BIN1: variants seen among roughly 807,000 people sequenced by gnomAD.
The protein encoded by BIN1 is myc box-dependent-interacting protein 1.
Under a neutral mutation model 82.0 loss-of-function variants are expected in BIN1, and 53 were observed. The observed-to-expected ratio is 0.65, with a 90% CI of 0.52 to 0.81. BIN1 has a LOEUF of 0.81. BIN1 is among the 40% of genes least tolerant of loss of function. BIN1 has a pLI of 0.00. For synonymous variants in BIN1, 302 were observed against 328.0 expected, an observed-to-expected ratio of 0.92 and a Z score of 0.86; for missense variants, 642 against 784.4, an observed-to-expected ratio of 0.82 and a Z score of 2.17.
At chr2:127,076,798 G>A (rs545431356) in intron 1 of BIN1, 92 bp from the exon 2 acceptor site, 35 of 1,435,042 alleles carry the variant, frequency 2.4e-5, no homozygotes, top group South Asian at 2.3e-4. Flanking sequence ...ACAGACCAGG[G>A]GCTGGGAAGT....
At chr2:127,063,230 A>C (rs1558819532) in intron 9 of BIN1, among the ~76,000 whole-genome samples, 1 of 152,210 alleles carries the variant, frequency 6.6e-6, no homozygotes. Context: ...TTTTCCTACA[A>C]ATTGAGAAAC....
chr2:127,105,440 C>A (rs1680927263), intron 1 of BIN1, among the ~76,000 whole-genome samples: 2 of 147,886 alleles, frequency 1.4e-5, no homozygotes, highest in South Asian at 2.3e-4. Flanking sequence ...TTCCCAGCCC[C>A]CAGCCAGCTA....
intron 1 of BIN1, among the ~76,000 whole-genome samples, chr2:127,077,695 CAA>C (rs1226447643): frequency 6.6e-6 from 1 of 151,880 alleles, no homozygotes; most frequent in East Asian, 1.9e-4. Context: ...AAGAAAAAGA[CAA>C]AGAGCTGGGG....
intron 10 of BIN1, 37 bp downstream of exon 10, chr2:127,062,078 A>T: frequency 6.4e-7 from 1 of 1,569,130 alleles, no homozygotes. Flanking sequence ...CCTGCCGTGC[A>T]CACAGTCAGG....
At chr2:127,102,999 AC>A (rs1159544006) in intron 1 of BIN1, among the ~76,000 whole-genome samples, 1 of 152,176 alleles carries the variant, frequency 6.6e-6, no homozygotes, top group Non-Finnish European at 1.5e-5. Flanking sequence ...CCCAAGATGG[AC>A]AGAGATGGGA....
At position 127,093,422 on chromosome 2, in the gene BIN1, C is replaced by T. The variant is rs550869688; in HGVS notation, c.84+13438G>A. Reference sequence around the variant, plus strand: ...CCAGCCATGAAACCCAGATAGTTCACTCTCTCCCACTCCCTTCACCCCTGA... The same window carrying T: ...CCAGCCATGAAACCCAGATAGTTCATTCTCTCCCACTCCCTTCACCCCTGA... On this transcript the variant is annotated intron_variant, in intron 1 of 18. Transcript: ENST00000316724. The surrounding 1 kb of genome is among the most constrained non-coding windows in gnomAD (Gnocchi z 5.7). Among the ~76,000 whole-genome samples the T allele has an allele frequency of 6.6e-6, 1 of 152,332 alleles. No homozygotes were observed. The highest frequency in any genetic ancestry group is 1.9e-4 in the East Asian group (1 of 5,178).
chr2:127,074,553 CTGTT>C (rs1272617783), intron 2 of BIN1, among the ~76,000 whole-genome samples: 1 of 152,218 alleles, frequency 6.6e-6, no homozygotes, highest in Non-Finnish European at 1.5e-5. Context: ...CAGTGAGTGA[CTGTT>C]TGCCCAGAGT....
rs1362754095 is a variant in BIN1 at position 127,067,492 on chromosome 2, AG to A, written c.612+670del. On this transcript the variant is annotated intron_variant, in intron 7 of 18. Transcript: ENST00000316724. The surrounding 1 kb of genome is among the most constrained non-coding windows in gnomAD (Gnocchi z 4.7). ...AAAAGCCTCCTCCGGGAAGCCCCCCAGGAACACTGTGGTGCTGGTCACTTGC... is the reference window on the plus strand; with the variant it reads ...AAAAGCCTCCTCCGGGAAGCCCCCCAGAACACTGTGGTGCTGGTCACTTGC... 6.6e-6 allele frequency among the ~76,000 whole-genome samples: 1 copy of A among 152,194 alleles called. No individual in the cohort carries two copies. The highest frequency in any genetic ancestry group is 1.5e-5 in the Non-Finnish European group (1 of 68,000).
chr2:127,090,205 A>C lies in BIN1; in HGVS notation c.85-13499T>G, dbSNP rs1678738190. ...CATTACGCTGGGCCCCTTTGGGAAA[A>C]GGGTAAACCGACAAGAGGCCCCATG... On this transcript the variant is annotated intron_variant, in intron 1 of 18. Transcript: ENST00000316724. This position sits in a 1 kb window ranked among gnomAD's most constrained non-coding sequence, Gnocchi z 6.4. Among the ~76,000 whole-genome samples the C allele has an allele frequency of 6.6e-6, 1 of 152,190 alleles. No homozygotes were observed. The highest frequency in any genetic ancestry group is 2.1e-4 in the South Asian group (1 of 4,830).
intron 2 of BIN1, among the ~76,000 whole-genome samples, chr2:127,073,697 A>G (rs1686227704): frequency 6.6e-6 from 1 of 152,174 alleles, no homozygotes; most frequent in Admixed American, 6.5e-5. Context: ...ATTTTGAGCA[A>G]AACCTTGGGT....
At chr2:127,060,450 C>A in intron 10 of BIN1, 1 of 1,246,002 alleles carries the variant, frequency 8.0e-7, no homozygotes, top group Non-Finnish European at 1.2e-6. Flanking sequence ...TCCCACCCAA[C>A]ACGCACACGA....
chr2:127,107,117 A>C lies in BIN1; in HGVS notation c.-174T>G, dbSNP rs1234559735. ...GGAGCGTGCGCCGGACGGGCGAGCG[A>C]GCCAGCGAGCTAGCCAGCGAGCGAC... On this transcript the variant is annotated 5_prime_UTR_variant, in exon 1 of 19. Transcript: ENST00000316724. The surrounding 1 kb of genome is among the most constrained non-coding windows in gnomAD (Gnocchi z 5.9). 1.6e-6 allele frequency: 1 copy of C among 637,632 alleles called. No homozygotes were observed. The highest frequency in any genetic ancestry group is 2.3e-6 in the Non-Finnish European group (1 of 436,796). The allele number at this position is 637,632 out of a possible 1,614,324, so 39.5% of individuals were successfully genotyped here. A position where few individuals can be genotyped will look rare whatever the true frequency, so the allele number is the denominator to read the frequency against.
At chr2:127,097,292 C>T (rs1218723183) in intron 1 of BIN1, among the ~76,000 whole-genome samples, 3 of 152,176 alleles carry the variant, frequency 2.0e-5, no homozygotes, top group African/African-American at 7.2e-5. Flanking sequence ...CCAGCAGCGT[C>T]AGCCCTCCAG....
intron 5 of BIN1, 29 bp from the exon 6 acceptor site, chr2:127,069,060 G>C (rs372851930): frequency 1.2e-6 from 2 of 1,603,718 alleles, no homozygotes; most frequent in South Asian, 2.2e-5. Flanking sequence ...GGCACTAAGC[G>C]GGGCCTGGCA....
Position 127,067,454 on chromosome 2 carries a change from A to G in BIN1, c.612+709T>C, listed in dbSNP as rs3768860. ...TATGGCCAGGATGGTGAGATGGCCC[A>G]GGAGTTTTGTAAAAAAGCCTCCTCC... On this transcript the variant is annotated intron_variant, in intron 7 of 18. Coordinates refer to ENST00000316724, the MANE Select transcript of BIN1 (RefSeq NM_139343.3). The surrounding 1 kb of genome is among the most constrained non-coding windows in gnomAD (Gnocchi z 4.7). 0.32 allele frequency among the ~76,000 whole-genome samples: 48,818 copies of G among 152,010 alleles called. 8,648 individuals are homozygous for G. Among genetic ancestry groups the G allele is most frequent in the South Asian group, 0.52 (2,503 of 4,814 alleles).
intron 1 of BIN1, chr2:127,081,876 G>A: frequency 7.8e-7 from 1 of 1,286,216 alleles, no homozygotes; most frequent in South Asian, 1.2e-5. Context: ...GGAAGGGCGG[G>A]CTGAGAAGTG....
chr2:127,106,363 G>A (rs1205055627), intron 1 of BIN1, among the ~76,000 whole-genome samples: 4 of 152,234 alleles, frequency 2.6e-5, no homozygotes, highest in African/African-American at 9.6e-5. Flanking sequence ...AAGGAACTGT[G>A]GGTGCCGGTT....
intron 1 of BIN1, among the ~76,000 whole-genome samples, chr2:127,100,999 C>CGGGGGGGGGGG (rs1553487375): frequency 6.9e-5 from 7 of 101,690 alleles, no homozygotes; most frequent in African/African-American, 3.0e-4. Context: ...TAGGAATGTG[C>CGGGGGGGGGGG]GGGGGGTGGG....
intron 1 of BIN1, among the ~76,000 whole-genome samples, chr2:127,098,384 C>G (rs989105960): frequency 6.6e-6 from 1 of 152,180 alleles, no homozygotes; most frequent in Admixed American, 6.5e-5. Flanking sequence ...GGCTCAGCCA[C>G]CAGACACTGC....
Sources: gnomAD v4.1 joint callset for allele counts (sites outside exome capture counted in the v4.1 genomes callset) on GRCh38, gnomAD v4.1.1 for gene constraint, Gnocchi (gnomAD v3.1) non-coding constraint, MANE v1.5 for transcripts, NCBI Gene and HGNC (gene_info 2026-07-23, HGNC 2026-07-21) for gene names.